Variants in NBAS observed in about 807,000 individuals in gnomAD.
NBAS encodes the protein NAG/BC035112 fusion.
NBAS carries 219 observed loss-of-function variants against 302.5 expected under a neutral mutation model. The observed-to-expected ratio is 0.72, with a 90% CI of 0.65 to 0.81. NBAS has a LOEUF of 0.81. NBAS is among the 30% of genes least tolerant of loss of function. The pLI, the probability that NBAS is intolerant of heterozygous loss-of-function variation, is 0.00. For missense variants in NBAS, 2,932 were observed against 2,841.6 expected, an observed-to-expected ratio of 1.03 and a Z score of -0.72; for synonymous variants, 1,118 against 1,021.6, an observed-to-expected ratio of 1.09 and a Z score of -1.80.
At chr2:15,413,252 T>C (rs1676768070) in intron 25 of NBAS, among the ~76,000 whole-genome samples, 1 of 152,224 alleles carries the variant, frequency 6.6e-6, no homozygotes, top group South Asian at 2.1e-4. Flanking sequence ...GTTTCAATCA[T>C]TCATTTATTT....
In NBAS at chr2:15,376,906, C is replaced by T. The variant is rs3805097; in HGVS notation, c.3591-2186G>A. On this transcript the variant is annotated intron_variant, in intron 30 of 51. Transcript: ENST00000281513. ...TTGTAAAATGAAGGTGCTCCAATTG[C>T]TACCATAATCAAAATATCAAAATAA... 1.3e-3 allele frequency among the ~76,000 whole-genome samples: 197 copies of T among 152,126 alleles called. 1 individual carries two copies. The East Asian group carries it at 0.034, about 27-fold the overall frequency.
At chr2:15,434,432 A>AGGGG (rs2148497705) in intron 21 of NBAS, among the ~76,000 whole-genome samples, 1 of 152,320 alleles carries the variant, frequency 6.6e-6, no homozygotes, top group Admixed American at 6.5e-5. Context: ...CTCATTACAA[A>AGGGG]GAAAGTCACC....
At chr2:15,016,922 A>G in the NBAS span, among the ~76,000 whole-genome samples, 1 of 152,210 alleles carries the variant, frequency 6.6e-6, no homozygotes. Flanking sequence ...CATGCAATGC[A>G]TAATAATCAC....
At chr2:15,147,522 G>A in the NBAS span, among the ~76,000 whole-genome samples, 1 of 152,090 alleles carries the variant, frequency 6.6e-6, no homozygotes, top group Admixed American at 6.5e-5. Flanking sequence ...GAATCCGGAG[G>A]TGGAGGTTGC....
the NBAS span, among the ~76,000 whole-genome samples, chr2:14,910,040 A>G: frequency 6.6e-6 from 1 of 152,188 alleles, no homozygotes. Flanking sequence ...GTTGCCCTGG[A>G]GACTTTCATC....
At chr2:15,128,606 G>A in the NBAS span, among the ~76,000 whole-genome samples, 1 of 152,182 alleles carries the variant, frequency 6.6e-6, no homozygotes, top group Admixed American at 6.5e-5. Context: ...CTTATGGAAA[G>A]GGGAACATTA....
At chr2:14,888,899 C>T in the NBAS span, among the ~76,000 whole-genome samples, 1,510 of 152,246 alleles carry the variant, frequency 9.9e-3, 10 homozygotes, top group Middle Eastern at 0.02. Context: ...TGAGTATCTC[C>T]GTAGAGCACG....
chr2:14,895,122 A>G, the NBAS span, among the ~76,000 whole-genome samples: 30 of 151,434 alleles, frequency 2.0e-4, no homozygotes, highest in African/African-American at 7.3e-4. Context: ...CCAGAAGCTC[A>G]CAAAACTGAA....
At chr2:15,123,317 T>A in the NBAS span, among the ~76,000 whole-genome samples, 1 of 152,120 alleles carries the variant, frequency 6.6e-6, no homozygotes, top group Admixed American at 6.6e-5. Context: ...CTCCATCCCT[T>A]TCACTAAGGA....
At chr2:15,034,009 GAAGAAGAAGAAGAA>G in the NBAS span, among the ~76,000 whole-genome samples, 28 of 49,292 alleles carry the variant, frequency 5.7e-4, no homozygotes, top group East Asian at 4.2e-3. Context: ...AGAAGAAGAA[GAAGAAGAAGAAGAA>G]GAAGAGGAGG....
the NBAS span, chr2:14,886,784 G>C: frequency 6.6e-6 from 1 of 152,164 alleles, no homozygotes; most frequent in Admixed American, 6.5e-5. Context: ...GTGGTGATGA[G>C]CGCTCAGTAG....
chr2:15,175,615 C>T (rs1426508001), intron 51 of NBAS, among the ~76,000 whole-genome samples: 1 of 152,108 alleles, frequency 6.6e-6, no homozygotes, highest in Non-Finnish European at 1.5e-5. Context: ...GAAGGTAATC[C>T]AGAAGTCTAT....
intron 21 of NBAS, among the ~76,000 whole-genome samples, chr2:15,458,832 T>C (rs1679372021): frequency 6.6e-6 from 1 of 150,986 alleles, no homozygotes; most frequent in African/African-American, 2.4e-5. Flanking sequence ...AGAACAAAGG[T>C]TAATTTTAAA....
chr2:15,358,687 C>T (rs1673747795), intron 32 of NBAS, among the ~76,000 whole-genome samples: 1 of 152,144 alleles, frequency 6.6e-6, no homozygotes, highest in Non-Finnish European at 1.5e-5. Context: ...TGAAGCAATC[C>T]TCCTGCCTCA....
chr2:15,533,119 G>A (rs971356701), intron 9 of NBAS, among the ~76,000 whole-genome samples: 37 of 152,148 alleles, frequency 2.4e-4, no homozygotes, highest in African/African-American at 7.7e-4. Context: ...TCACACCATC[G>A]AGAGCACTAA....
chr2:15,346,310 CA>C (rs996532249), intron 35 of NBAS, among the ~76,000 whole-genome samples: 3 of 150,850 alleles, frequency 2.0e-5, no homozygotes, highest in African/African-American at 7.3e-5. Flanking sequence ...AAATTTACAA[CA>C]AAAAAAACAA....
the NBAS span, among the ~76,000 whole-genome samples, chr2:14,987,712 A>G: frequency 0.045 from 6,882 of 152,178 alleles, 394 homozygotes; most frequent in African/African-American, 0.11. Context: ...AAAACTCGGA[A>G]AGCATGAAGG....
At chr2:14,860,917 C>T in the NBAS span, among the ~76,000 whole-genome samples, 3 of 151,974 alleles carry the variant, frequency 2.0e-5, no homozygotes, top group Middle Eastern at 3.4e-3. Flanking sequence ...CTGATTTGAC[C>T]GTTACAAATT....
chr2:15,211,380 C>T (rs34289205), intron 48 of NBAS, among the ~76,000 whole-genome samples: 28,976 of 152,114 alleles, frequency 0.19, 3,480 homozygotes, highest in East Asian at 0.46. Flanking sequence ...AATTGGATGA[C>T]AGTATCGAAA....
Sources: gnomAD v4.1 joint callset for allele counts (sites outside exome capture counted in the v4.1 genomes callset) on GRCh38, gnomAD v4.1.1 for gene constraint, MANE v1.5 for transcripts, NCBI Gene and HGNC (gene_info 2026-07-23, HGNC 2026-07-21) for gene names.